UBAP2: variants seen among roughly 807,000 people sequenced by gnomAD.
UBAP2 encodes ubiquitin-associated protein 2.
In UBAP2, 75 loss-of-function variants were observed where a neutral mutation model predicts 139.6. The ratio of observed to expected loss-of-function variants is 0.54; its 90% CI spans 0.45 to 0.65. The LOEUF is 0.65. Ranked by LOEUF, UBAP2 falls within the 30% of genes least tolerant of loss-of-function variation. The pLI is 0.00. For synonymous variants in UBAP2, 526 were observed against 526.2 expected, an observed-to-expected ratio of 1.00 and a Z score of 0.01; for missense variants, 1,368 against 1,369.6, an observed-to-expected ratio of 1.00 and a Z score of 0.02.
At chr9:33,999,082 A>G (rs1279850796) in intron 2 of UBAP2, among the ~76,000 whole-genome samples, 2 of 152,208 alleles carry the variant, frequency 1.3e-5, no homozygotes, top group African/African-American at 4.8e-5. Flanking sequence ...CTTTGACCAA[A>G]CGACCTAAAG....
intron 1 of UBAP2, among the ~76,000 whole-genome samples, chr9:34,019,723 A>G (rs999629706): frequency 2.3e-4 from 34 of 150,740 alleles, no homozygotes; most frequent in African/African-American, 4.9e-4. Flanking sequence ...ACACACACAC[A>G]CGCACAGAAA....
At position 33,932,545 on chromosome 9, in the gene UBAP2, G is replaced by A. The variant is rs200368695; in HGVS notation, c.2175+17C>T. On this transcript the variant is annotated intron_variant, in intron 19 of 28. Coordinates refer to ENST00000379238, the MANE Select transcript of UBAP2 (RefSeq NM_001370062.2). ...CCCAAGCATGGCGGAGGAAGAGGAA[G>A]CCGCGCAGACACTTACTGTGTGTGA... 21 of 1,613,488 alleles carry A rather than the reference G, an allele frequency of 1.3e-5. No homozygotes were observed. The highest frequency in any genetic ancestry group is 2.2e-5 in the East Asian group (1 of 44,866).
At chr9:33,961,468 C>T (rs540049969) in intron 9 of UBAP2, among the ~76,000 whole-genome samples, 1 of 152,086 alleles carries the variant, frequency 6.6e-6, no homozygotes, top group Non-Finnish European at 1.5e-5. Flanking sequence ...ACACAGGATG[C>T]GCTCAAACAG....
intron 1 of UBAP2, among the ~76,000 whole-genome samples, chr9:34,019,768 A>G (rs1377802246): frequency 6.7e-6 from 1 of 149,578 alleles, no homozygotes; most frequent in African/African-American, 2.6e-5. Context: ...TAAATTTCCA[A>G]AATGGAATTC....
At chr9:33,985,791 G>C (rs1323350690) in intron 6 of UBAP2, among the ~76,000 whole-genome samples, 1 of 152,094 alleles carries the variant, frequency 6.6e-6, no homozygotes, top group Non-Finnish European at 1.5e-5. Context: ...GGAGGATTAG[G>C]CAGGTGGATC....
chr9:34,021,165 G>A (rs1384269058), intron 1 of UBAP2, among the ~76,000 whole-genome samples: 2 of 152,122 alleles, frequency 1.3e-5, no homozygotes, highest in African/African-American at 4.8e-5. Flanking sequence ...AGAAAATTGT[G>A]TCCCTGAAAC....
chr9:33,954,269 TACAC>T (rs60078088), intron 11 of UBAP2, among the ~76,000 whole-genome samples: 12 of 139,810 alleles, frequency 8.6e-5, no homozygotes, highest in East Asian at 2.1e-4. Flanking sequence ...TGTGTGTATA[TACAC>T]ACACACACAC....
rs767979446 is a variant in UBAP2 at position 33,932,647 on chromosome 9, C to A, written c.2109-19G>T. Reference sequence around the variant, plus strand: ...GAGCGAACTAGAAGACAAAACAGAGCGCCGTATGTCCACCTGAACAAGTGA... The same window carrying A: ...GAGCGAACTAGAAGACAAAACAGAGAGCCGTATGTCCACCTGAACAAGTGA... On this transcript the variant is annotated intron_variant, in intron 18 of 28. Coordinates refer to ENST00000379238, the MANE Select transcript of UBAP2 (RefSeq NM_001370062.2). The A allele has an allele frequency of 6.2e-7, 1 of 1,613,130 alleles. No homozygotes were observed. The highest frequency in any genetic ancestry group is 8.5e-7 in the Non-Finnish European group (1 of 1,179,754).
intron 6 of UBAP2, among the ~76,000 whole-genome samples, chr9:33,975,738 C>A (rs1828283465): frequency 6.7e-6 from 1 of 149,098 alleles, no homozygotes; most frequent in Non-Finnish European, 1.5e-5. Context: ...GGAGGCGGAG[C>A]TTGCAGTGAG....
At chr9:33,979,657 C>A (rs1359115058) in intron 6 of UBAP2, among the ~76,000 whole-genome samples, 1 of 151,986 alleles carries the variant, frequency 6.6e-6, no homozygotes, top group East Asian at 1.9e-4. Flanking sequence ...CCGAGGCGGG[C>A]AGATCATGAG....
rs1824192906 is a variant in UBAP2 at position 33,933,570 on chromosome 9, G to A, written c.2028C>T (p.Thr676=). Residue 676 remains threonine (T), a synonymous_variant, in exon 18 of 29, where the codon ACC becomes ACT. Transcript: ENST00000379238. ...ACGGCAGAAGTGCAGTGCAGGAGGT[G>A]GTGCTGGGCAGGGAGCTCACAGACG... ...ALPSVSSLPS[T]TSCTALLPST... 1.2e-6 allele frequency: 2 copies of A among 1,614,070 alleles called. No individual in the cohort carries two copies. Among genetic ancestry groups the A allele is most frequent in the Non-Finnish European group, 8.5e-7 (1 of 1,180,034 alleles).
chr9:33,945,469 C>A (rs562882834), intron 13 of UBAP2, among the ~76,000 whole-genome samples: 1 of 149,684 alleles, frequency 6.7e-6, no homozygotes, highest in Non-Finnish European at 1.5e-5. Context: ...CACTGCACTC[C>A]AGCCTGGGTG....
intron 2 of UBAP2, among the ~76,000 whole-genome samples, chr9:34,007,619 T>C (rs546422863): frequency 2.0e-5 from 3 of 151,826 alleles, no homozygotes; most frequent in East Asian, 1.9e-4. Context: ...AATGATCATA[T>C]GTTTTTTGTC....
At position 33,971,707 on chromosome 9, in the gene UBAP2, C is replaced by A; in HGVS notation, c.623G>T (p.Cys208Phe). 1 of 1,612,954 alleles carries A rather than the reference C, an allele frequency of 6.2e-7. No individual in the cohort carries two copies. Among genetic ancestry groups the A allele is most frequent in the African/African-American group, 1.3e-5 (1 of 75,036 alleles). Reference protein sequence around the residue: ...DYSDSTSTDVCGTKLVVWEAA... With the variant: ...DYSDSTSTDVFGTKLVVWEAA... ...TTCCCAAACTACTAGCTTTGTCCCACACACATCTGTAGATGTAGAATCTGA... is the reference window on the plus strand; with the variant it reads ...TTCCCAAACTACTAGCTTTGTCCCAAACACATCTGTAGATGTAGAATCTGA... The change falls in exon 8 of 29, where the codon TGT (cysteine) becomes TTT (phenylalanine). Residue 208 changes from cysteine (C) to phenylalanine (F), a missense_variant. Cys to Phe is a radical substitution (Grantham distance 205). Coordinates refer to ENST00000379238, the MANE Select transcript of UBAP2 (RefSeq NM_001370062.2).
chr9:33,988,176 TTTA>T (rs1821372654), intron 5 of UBAP2, among the ~76,000 whole-genome samples: 1 of 152,078 alleles, frequency 6.6e-6, no homozygotes, highest in African/African-American at 2.4e-5. Context: ...TTTTATTTTC[TTTA>T]TTGTTACATC....
Position 34,035,514 on chromosome 9 carries a change from A to AAAAAAAATATATAT in UBAP2, c.-42+13310_-42+13311insATATATATTTTTTT. On this transcript the variant is annotated intron_variant, in intron 1 of 28. Coordinates refer to ENST00000379238, the MANE Select transcript of UBAP2 (RefSeq NM_001370062.2). ...GAGACTCCATCTAAAAAAAAAAAAA[A>AAAAAAAATATATAT]ATATATATATATAAAGATTAGCCAG... Among the ~76,000 whole-genome samples, 173 of 22,478 alleles carry AAAAAAAATATATAT rather than the reference A, an allele frequency of 7.7e-3. 7 individuals carry two copies. Among genetic ancestry groups the AAAAAAAATATATAT allele is most frequent in the African/African-American group, 0.02 (156 of 7,848 alleles). The allele number at this position is 22,478 out of a possible 152,430, so 14.7% of individuals were successfully genotyped here. A position where few individuals can be genotyped will look rare whatever the true frequency, so the allele number is the denominator to read the frequency against.
chr9:33,986,746 T>C lies in UBAP2; in HGVS notation c.520+14A>G. On this transcript the variant is annotated intron_variant, in intron 6 of 28. Transcript: ENST00000379238. ...CTAATTGAAAGCATTTTCTTCCCTC[T>C]TACTCTAGCTTACCTCTACCCCGGG... 1.2e-6 allele frequency: 2 copies of C among 1,611,976 alleles called. No homozygotes were observed. Among genetic ancestry groups the C allele is most frequent in the Non-Finnish European group, 8.5e-7 (1 of 1,178,352 alleles).
chr9:33,986,968 G>GGAAAAACAAAAACAA, intron 5 of UBAP2, 131 bp from the exon 6 acceptor site: 1 of 824,970 alleles, frequency 1.2e-6, no homozygotes, highest in South Asian at 1.5e-5. Context: ...TTCAAAAACA[G>GGAAAAACAAAAACAA]GAAAAACAAA....
intron 10 of UBAP2, among the ~76,000 whole-genome samples, chr9:33,956,931 A>G (rs1158371062): frequency 9.0e-5 from 3 of 33,234 alleles, no homozygotes; most frequent in African/African-American, 2.7e-4. Context: ...CATCTCTAGG[A>G]AAAAAAAAAA....
Sources: gnomAD v4.1 joint callset for allele counts (sites outside exome capture counted in the v4.1 genomes callset) on GRCh38, gnomAD v4.1.1 for gene constraint, MANE v1.5 for transcripts, NCBI Gene and HGNC (gene_info 2026-07-23, HGNC 2026-07-21) for gene names.